TMEM232: variants seen among roughly 807,000 people sequenced by gnomAD.
TMEM232 encodes the protein transmembrane protein 232.
In TMEM232, 80 loss-of-function variants were observed where a neutral mutation model predicts 78.8. That is an observed-to-expected ratio of 1.01 (90% CI 0.85 to 1.22). TMEM232 has a LOEUF of 1.22. Ranked by LOEUF, TMEM232 falls within the 50% of genes most tolerant of loss-of-function variation. TMEM232 has a pLI of 0.00. For synonymous variants in TMEM232, 297 were observed against 254.3 expected, an observed-to-expected ratio of 1.17 and a Z score of -1.60; for missense variants, 881 against 742.2, an observed-to-expected ratio of 1.19 and a Z score of -2.17.
At chr5:110,692,475 C>T (rs1284546371) in intron 1 of TMEM232, among the ~76,000 whole-genome samples, 2 of 152,176 alleles carry the variant, frequency 1.3e-5, no homozygotes, top group African/African-American at 4.8e-5. Context: ...GTGCAGCACA[C>T]CGTGTGTGAG....
intron 12 of TMEM232, among the ~76,000 whole-genome samples, chr5:110,510,127 T>A (rs1023280120): frequency 6.6e-6 from 1 of 152,180 alleles, no homozygotes; most frequent in African/African-American, 2.4e-5. Context: ...ATGTTGCTTG[T>A]GCCCATGACT....
intron 2 of TMEM232, among the ~76,000 whole-genome samples, chr5:110,646,404 A>C (rs971548985): frequency 2.0e-5 from 3 of 151,774 alleles, no homozygotes; most frequent in South Asian, 4.1e-4. Context: ...AGAATCAAAA[A>C]TCCAGAAATA....
chr5:110,437,259 A>G (rs1490492845), intron 12 of TMEM232, among the ~76,000 whole-genome samples: 1 of 151,992 alleles, frequency 6.6e-6, no homozygotes, highest in Non-Finnish European at 1.5e-5. Context: ...CATTGCTGGC[A>G]TATAGAAATG....
intron 1 of TMEM232, among the ~76,000 whole-genome samples, chr5:110,693,417 G>A (rs1794376785): frequency 6.6e-6 from 1 of 152,206 alleles, no homozygotes; most frequent in Admixed American, 6.5e-5. Flanking sequence ...CCAAAGGAAT[G>A]CAGCTCCTCA....
At chr5:110,601,021 A>T (rs1012265568) in intron 10 of TMEM232, among the ~76,000 whole-genome samples, 1 of 152,172 alleles carries the variant, frequency 6.6e-6, no homozygotes, top group African/African-American at 2.4e-5. Context: ...ATCAATAAAC[A>T]TAATCCATCA....
intron 12 of TMEM232, among the ~76,000 whole-genome samples, chr5:110,506,887 A>G (rs1392859343): frequency 6.6e-6 from 1 of 152,204 alleles, no homozygotes; most frequent in Non-Finnish European, 1.5e-5. Context: ...TTCTCCAAAA[A>G]AAAGCAATTA....
chr5:110,617,827 CAA>C (rs746413419), intron 8 of TMEM232: 4,618 of 156,658 alleles, frequency 0.029, 258 homozygotes, highest in East Asian at 0.24. Context: ...AACAAACAAA[CAA>C]ACAAACAAAC....
intron 2 of TMEM232, among the ~76,000 whole-genome samples, chr5:110,643,064 G>A (rs1007932286): frequency 6.6e-6 from 1 of 151,952 alleles, no homozygotes; most frequent in Non-Finnish European, 1.5e-5. Context: ...AAGGAGAAGA[G>A]TTTGGATAAT....
In TMEM232 at chr5:110,642,386, G is replaced by T; in HGVS notation, c.126-15C>A. 6.8e-7 allele frequency: 1 copy of T among 1,472,186 alleles called. No homozygotes were observed. The highest frequency in any genetic ancestry group is 9.0e-7 in the Non-Finnish European group (1 of 1,108,784). 91.2% of individuals were successfully genotyped at this position (1,472,186 alleles called of 1,614,324 possible). ...AAAATGTTGGCCTAAATAAAACATT[G>T]AAAAATTAACATTTAAAAAGTATAG... On this transcript the variant is annotated splice_polypyrimidine_tract_variant and intron_variant, in intron 2 of 13. Coordinates refer to ENST00000455884, the MANE Select transcript of TMEM232 (RefSeq NM_001039763.4).
intron 10 of TMEM232, among the ~76,000 whole-genome samples, chr5:110,571,276 G>T (rs549690932): frequency 3.9e-5 from 6 of 152,144 alleles, no homozygotes; most frequent in African/African-American, 1.4e-4. Context: ...CAACATAGTA[G>T]ATCTAATTTA....
intron 12 of TMEM232, among the ~76,000 whole-genome samples, chr5:110,479,214 C>A (rs72788433): frequency 0.076 from 11,547 of 151,604 alleles, 572 homozygotes; most frequent in Admixed American, 0.12. Context: ...TTGCCCCTGC[C>A]AAAATACATG....
chr5:110,637,589 A>T (rs971762905), intron 5 of TMEM232, among the ~76,000 whole-genome samples: 10 of 151,798 alleles, frequency 6.6e-5, no homozygotes, highest in African/African-American at 2.2e-4. Context: ...ATATATATAT[A>T]AAAAACCATC....
chr5:110,716,596 G>C (rs1797040472), intron 1 of TMEM232, among the ~76,000 whole-genome samples: 1 of 152,128 alleles, frequency 6.6e-6, no homozygotes, highest in Non-Finnish European at 1.5e-5. Flanking sequence ...ACAGGAGGTA[G>C]AGCTCAAGTG....
chr5:110,709,639 G>T (rs906136116), intron 1 of TMEM232, among the ~76,000 whole-genome samples: 1 of 151,848 alleles, frequency 6.6e-6, no homozygotes, highest in African/African-American at 2.4e-5. Context: ...ATAACAAGTG[G>T]GTCAATGAAG....
intron 8 of TMEM232, among the ~76,000 whole-genome samples, chr5:110,612,001 T>C (rs1408473631): frequency 6.6e-6 from 1 of 152,076 alleles, no homozygotes; most frequent in East Asian, 1.9e-4. Flanking sequence ...TGTACTGAGG[T>C]AGAAATTCAA....
chr5:110,633,422 A>C (rs1226192178), intron 5 of TMEM232, among the ~76,000 whole-genome samples: 2 of 152,146 alleles, frequency 1.3e-5, no homozygotes, highest in African/African-American at 2.4e-5. Context: ...TACACAAAAC[A>C]ACCATGATAT....
At chr5:110,600,571 G>C (rs1780760552) in intron 10 of TMEM232, among the ~76,000 whole-genome samples, 1 of 152,008 alleles carries the variant, frequency 6.6e-6, no homozygotes, top group Non-Finnish European at 1.5e-5. Context: ...AGAAGAAATG[G>C]ATAAATTCCT....
At chr5:110,680,427 C>T (rs951876094) in intron 1 of TMEM232, among the ~76,000 whole-genome samples, 2 of 144,062 alleles carry the variant, frequency 1.4e-5, no homozygotes, top group African/African-American at 5.1e-5. Flanking sequence ...AAAAAGCAAC[C>T]TAAGTAGCTT....
intron 13 of TMEM232, among the ~76,000 whole-genome samples, chr5:110,421,011 G>A (rs1202410809): frequency 2.0e-5 from 3 of 151,338 alleles, no homozygotes; most frequent in Non-Finnish European, 4.4e-5. Context: ...AGACATTATA[G>A]GTTTTGTATT....
Sources: gnomAD v4.1 joint callset for allele counts (sites outside exome capture counted in the v4.1 genomes callset) on GRCh38, gnomAD v4.1.1 for gene constraint, MANE v1.5 for transcripts, NCBI Gene and HGNC (gene_info 2026-07-23, HGNC 2026-07-21) for gene names.